Variants in SPTBN5 observed in about 807,000 individuals in gnomAD.
SPTBN5 encodes the protein spectrin beta chain, non-erythrocytic 5.
Under a neutral mutation model 477.6 loss-of-function variants are expected in SPTBN5, and 513 were observed. That is an observed-to-expected ratio of 1.07 (90% CI 1.00 to 1.16). SPTBN5 has a LOEUF of 1.16. Ranked by LOEUF, SPTBN5 falls within the 50% of genes most tolerant of loss-of-function variation. The pLI is 0.00. For missense variants in SPTBN5, 5,062 were observed against 4,731.8 expected, an observed-to-expected ratio of 1.07 and a Z score of -2.05; for synonymous variants, 2,169 against 2,011.7, an observed-to-expected ratio of 1.08 and a Z score of -2.09.
rs2066161200 is a variant in SPTBN5, at chr15:41,862,804, G to C, written c.7249C>G (p.Gln2417Glu). 6.3e-7 allele frequency: 1 copy of C among 1,575,610 alleles called. No individual in the cohort carries two copies. The highest frequency in any genetic ancestry group is 1.4e-5 in the African/African-American group (1 of 74,004). Residue 2417 changes from glutamine to glutamate, a missense_variant, in exon 42 of 68, where the codon CAG (glutamine) becomes GAG (glutamate). Coordinates refer to ENST00000320955, the MANE Select transcript of SPTBN5 (RefSeq NM_016642.4). ...EELEREVHPI[Q>E]AQVESLEREV... Reference sequence around the variant, plus strand: ...CAGCTACGCACCTCCACCTGGGCCTGGATGGGGTGCACTTCCCGCTCCAGC... The same window carrying C: ...CAGCTACGCACCTCCACCTGGGCCTCGATGGGGTGCACTTCCCGCTCCAGC...
chr15:41,865,290 G>A (rs1011880979), intron 39 of SPTBN5, among the ~76,000 whole-genome samples: 61 of 152,294 alleles, frequency 4.0e-4, no homozygotes, highest in African/African-American at 1.3e-3. Flanking sequence ...GAAGGTGGGC[G>A]CTGATTATCT....
In SPTBN5 at chr15:41,865,860, T is replaced by G. The variant is rs1567199764; in HGVS notation, c.6866A>C (p.His2289Pro). Residue 2289 changes from histidine (H) to proline (P), a missense_variant, in exon 39 of 68, where the codon CAC becomes CCC. Coordinates refer to ENST00000320955, the MANE Select transcript of SPTBN5 (RefSeq NM_016642.4). ...NVGDLGQDLE[H>P]CLQLRRRLRE... The stretch of plus-strand genomic sequence containing the variant: ...GAGCCGCCGTCGGAGCTGCAGGCAG[T>G]GCTCCAGGTCCTGGCCCAGGTCACC... 1 of 1,584,016 alleles carries G rather than the reference T, an allele frequency of 6.3e-7. No individual in the cohort carries two copies. Among genetic ancestry groups the G allele is most frequent in the Non-Finnish European group, 8.6e-7 (1 of 1,165,726 alleles).
At chr15:41,881,734 G>A (rs1210864543) in intron 12 of SPTBN5, among the ~76,000 whole-genome samples, 2 of 152,234 alleles carry the variant, frequency 1.3e-5, no homozygotes, top group African/African-American at 4.8e-5. Flanking sequence ...CGGTTGACGT[G>A]GGCAGACAGG....
intron 4 of SPTBN5, among the ~76,000 whole-genome samples, chr15:41,888,884 C>T (rs60171235): frequency 3.3e-5 from 5 of 152,158 alleles, no homozygotes; most frequent in Non-Finnish European, 7.3e-5. Flanking sequence ...AGTGGAGTCT[C>T]GAGGCCCTGG....
At chr15:41,890,261 G>T in intron 3 of SPTBN5, 56 bp from the exon 4 acceptor site, 1 of 1,282,308 alleles carries the variant, frequency 7.8e-7, no homozygotes, top group Non-Finnish European at 1.1e-6. Flanking sequence ...AGAGGACTCA[G>T]TCACCAAAAG....
Position 41,852,836 on chromosome 15 carries a change from C to T in SPTBN5, c.10335G>A (p.Lys3445=). ...WLACWEGLLL[K]PDYGHSVSDV... ...GACCCCCACTCACCCCATAGTCGGG[C>T]TTCAGCAGGAGTCCCTCCCAGCAGG... Residue 3445 remains lysine (K), a synonymous_variant, in exon 60 of 68, where the codon AAG becomes AAA. Transcript: ENST00000320955. 1 of 1,606,670 alleles carries T rather than the reference C, an allele frequency of 6.2e-7. No individual in the cohort carries two copies. The highest frequency in any genetic ancestry group is 1.3e-5 in the African/African-American group (1 of 74,818).
Position 41,852,188 on chromosome 15 carries a change from G to T in SPTBN5, c.10578C>A (p.Asp3526Glu), listed in dbSNP as rs780941166. ...GLGAQLAETR[D>E]PQDAKGTPTM... is the part of the protein sequence containing the mutation. ...GCCCCATAGGGACACCTGCCTGGGG[G>T]TCCCTCGTCTCAGCCAGCTGTGCTC... is the stretch of plus-strand genomic sequence containing the variant. Residue 3526 changes from aspartate (D) to glutamate (E), a missense_variant, in exon 62 of 68, where the codon GAC becomes GAA. Coordinates refer to ENST00000320955, the MANE Select transcript of SPTBN5 (RefSeq NM_016642.4). 3.1e-6 allele frequency: 5 copies of T among 1,592,698 alleles called. No individual in the cohort carries two copies. The highest frequency in any genetic ancestry group is 3.4e-6 in the Non-Finnish European group (4 of 1,165,974).
Position 41,852,508 on chromosome 15 carries a change from G to A in SPTBN5, c.10449+126C>T. On this transcript the variant is annotated intron_variant, in intron 61 of 67. Coordinates refer to ENST00000320955, the MANE Select transcript of SPTBN5 (RefSeq NM_016642.4). ...TGGTGCCTCTCCCACCACCGCAGCT[G>A]GCCAGGGAAAGGAGCAGGTAAGGCA... 9 of 1,316,278 alleles carry A rather than the reference G, an allele frequency of 6.8e-6. No individual in the cohort carries two copies. The South Asian group carries it at 1.0e-4, about 15-fold the overall frequency. The allele number at this position is 1,316,278 out of a possible 1,614,324, so 81.5% of individuals were successfully genotyped here. A position where few individuals can be genotyped will look rare whatever the true frequency, so the allele number is the denominator to read the frequency against.
At position 41,866,055 on chromosome 15, in the gene SPTBN5, C is replaced by T; in HGVS notation, c.6805G>A (p.Ala2269Thr). 1 of 1,555,046 alleles carries T rather than the reference C, an allele frequency of 6.4e-7. No individual in the cohort carries two copies. The highest frequency in any genetic ancestry group is 1.7e-4 in the Middle Eastern group (1 of 5,992). ...EFLQRVDLAEAWIQEKEVKMN... is the reference protein window; with the variant it reads ...EFLQRVDLAETWIQEKEVKMN... The stretch of plus-strand genomic sequence containing the variant: ...GGCTACACCTTCTCCTGGATCCAGG[C>T]CTCTGCAAGGTCCACTCTCTGCAGG... The change falls in exon 38 of 68, where the codon GCC becomes ACC. Residue 2269 changes from alanine to threonine, a missense_variant. Physicochemically the swap from Ala to Thr is moderately conservative, Grantham distance 58. Coordinates refer to ENST00000320955, the MANE Select transcript of SPTBN5 (RefSeq NM_016642.4).
rs1470617663 is a variant in SPTBN5, at chr15:41,861,687, C to T, written c.7737+48G>A. 3 of 1,516,130 alleles carry T rather than the reference C, an allele frequency of 2.0e-6. No homozygotes were observed. The South Asian group carries it at 3.8e-5, about 19-fold the overall frequency. 93.9% of individuals were successfully genotyped at this position (1,516,130 alleles called of 1,614,324 possible). Reference sequence around the variant, plus strand: ...CCAGAGGCTGTGGGGTCAGCGCAGGCCCTGTTCGGGGGGGCAAGATGCAGG... The same window carrying T: ...CCAGAGGCTGTGGGGTCAGCGCAGGTCCTGTTCGGGGGGGCAAGATGCAGG... On this transcript the variant is annotated intron_variant, in intron 45 of 67. Transcript: ENST00000320955.
In SPTBN5 at chr15:41,865,741, C is replaced by T. The variant is rs1160181557; in HGVS notation, c.6918+67G>A. Reference sequence around the variant, plus strand: ...CCCTGCTCTACAGCCCACACTCTTTCCCTGCTCTCAGTTGGATTTTCAGTG... The same window carrying T: ...CCCTGCTCTACAGCCCACACTCTTTTCCTGCTCTCAGTTGGATTTTCAGTG... On this transcript the variant is annotated intron_variant, in intron 39 of 67. Transcript: ENST00000320955. The T allele has an allele frequency of 2.8e-6, 4 of 1,410,274 alleles. No homozygotes were observed. In the African/African-American group the frequency reaches 5.7e-5, roughly 20 times the overall value. 87.4% of individuals were successfully genotyped at this position (1,410,274 alleles called of 1,614,324 possible).
rs372618835 is a variant in SPTBN5, at chr15:41,855,649, G to A, written c.9118C>T (p.Arg3040Trp). ...SAEATQALLR[R>W]LEATKRDLEA... The stretch of plus-strand genomic sequence containing the variant: ...AGGTCTCTCTTGGTGGCCTCCAGCC[G>A]CCGCAGAAGGGCCTGTGTGGCTTCA... Residue 3040 changes from arginine to tryptophan, a missense_variant, in exon 54 of 68, where the codon CGG (arginine) becomes TGG (tryptophan). Arg to Trp is a moderately radical substitution (Grantham distance 101). Coordinates refer to ENST00000320955, the MANE Select transcript of SPTBN5 (RefSeq NM_016642.4). 169 of 1,607,728 alleles carry A rather than the reference G, an allele frequency of 1.1e-4. No homozygotes were observed. The highest frequency in any genetic ancestry group is 1.6e-4 in the Middle Eastern group (1 of 6,070).
In SPTBN5 at chr15:41,853,312, G is replaced by T. The variant is rs745723002; in HGVS notation, c.10116C>A (p.Asp3372Glu). The change falls in exon 59 of 68, where the codon GAC becomes GAA. Residue 3372 changes from aspartate to glutamate, a missense_variant. Physicochemically the swap from Asp to Glu is conservative, Grantham distance 45. Coordinates refer to ENST00000320955, the MANE Select transcript of SPTBN5 (RefSeq NM_016642.4). The stretch of plus-strand genomic sequence containing the variant: ...CCAGCTGCTGTCCTTCCTGCCGCAG[G>T]TCCTGGGCTTGAAGGCGGCACTCCC... ...EIRECRLQAQDLRQEGQQLVD... is the reference protein window; with the variant it reads ...EIRECRLQAQELRQEGQQLVD... 1 of 1,612,520 alleles carries T rather than the reference G, an allele frequency of 6.2e-7. No individual in the cohort carries two copies. Among genetic ancestry groups the T allele is most frequent in the African/African-American group, 1.3e-5 (1 of 74,920 alleles).
chr15:41,854,115 C>T lies in SPTBN5; in HGVS notation c.9709G>A (p.Gly3237Arg). 6.3e-7 allele frequency: 1 copy of T among 1,588,554 alleles called. No individual in the cohort carries two copies. The highest frequency in any genetic ancestry group is 8.6e-7 in the Non-Finnish European group (1 of 1,168,284). Residue 3237 changes from glycine to arginine, a missense_variant, in exon 57 of 68, where the codon GGG becomes AGG. Gly to Arg is a moderately radical substitution (Grantham distance 125). Transcript: ENST00000320955. ...RMQEKTALMK[G>R]EDGGHSLSSV... ...GACAGGCTGTGGCCTCCGTCCTCCC[C>T]CTTCATCAGGGCCGTCTTCTCCTGC...
intron 7 of SPTBN5, 24 bp from the exon 8 acceptor site, chr15:41,883,510 G>A: frequency 6.2e-7 from 1 of 1,609,694 alleles, no homozygotes; most frequent in South Asian, 1.1e-5. Context: ...GAATAAGGGA[G>A]ATCTCCTCTG....
In SPTBN5 at chr15:41,875,062, A is replaced by AG; in HGVS notation, c.4288-7dup. On this transcript the variant is annotated splice_region_variant and splice_polypyrimidine_tract_variant and intron_variant, in intron 22 of 67. Coordinates refer to ENST00000320955, the MANE Select transcript of SPTBN5 (RefSeq NM_016642.4). ...TCCAGCTGCTCCTTTGCATCCTGGGAGGGACGCATGGAGCTGCATTAGGTT... is the reference window on the plus strand; with the variant it reads ...TCCAGCTGCTCCTTTGCATCCTGGGAGGGGACGCATGGAGCTGCATTAGGTT... 6.2e-7 allele frequency: 1 copy of AG among 1,606,812 alleles called. No individual in the cohort carries two copies. The highest frequency in any genetic ancestry group is 1.1e-5 in the South Asian group (1 of 90,240).
In SPTBN5 at chr15:41,856,569, C is replaced by T. The variant is rs776873614; in HGVS notation, c.8838G>A (p.Glu2946=). 2 of 1,594,370 alleles carry T rather than the reference C, an allele frequency of 1.3e-6. No homozygotes were observed. Among genetic ancestry groups the T allele is most frequent in the South Asian group, 1.1e-5 (1 of 88,710 alleles). ...QNLESEMSSH[E]ALTRVVLGTG... ...TGCCCAGCACCACCCGGGTCAGAGC[C>T]TCGTGGCTGCTCATCTCACTCTCCA... Residue 2946 remains glutamate, a synonymous_variant, in exon 53 of 68, where the codon GAG becomes GAA. Coordinates refer to ENST00000320955, the MANE Select transcript of SPTBN5 (RefSeq NM_016642.4).
chr15:41,854,768 C>T lies in SPTBN5; in HGVS notation c.9618+14G>A, dbSNP rs1308656201. On this transcript the variant is annotated intron_variant, in intron 56 of 67. Transcript: ENST00000320955. ...CTGACACCCCTTAGCTTGGCCCGGCCTGTGATCACCTACCTCTGTGCGGGC... is the reference window on the plus strand; with the variant it reads ...CTGACACCCCTTAGCTTGGCCCGGCTTGTGATCACCTACCTCTGTGCGGGC... 3 of 1,500,404 alleles carry T rather than the reference C, an allele frequency of 2.0e-6. No homozygotes were observed. In the Admixed American group the frequency reaches 6.8e-5, roughly 34 times the overall value. The allele number at this position is 1,500,404 out of a possible 1,614,324, so 92.9% of individuals were successfully genotyped here.
rs1567181602 is a variant in SPTBN5 at position 41,852,904 on chromosome 15, G to A, written c.10267C>T (p.Gln3423Ter). ...WQRCAESWGLQKLRQRLEQAE... is the reference protein window; with the variant it reads ...WQRCAESWGL ...TGCTCCAGCCTCTGCCGAAGCTTCTGCAGGCCCCAGCTCTCGGCACAGCGT... is the reference window on the plus strand; with the variant it reads ...TGCTCCAGCCTCTGCCGAAGCTTCTACAGGCCCCAGCTCTCGGCACAGCGT... Residue 3423 changes from glutamine to a stop codon, truncating the protein, a stop_gained, in exon 60 of 68, where the codon CAG (glutamine) becomes TAG (stop). Coordinates refer to ENST00000320955, the MANE Select transcript of SPTBN5 (RefSeq NM_016642.4). LOFTEE classifies it high-confidence loss of function. The A allele has an allele frequency of 7.5e-6, 12 of 1,606,152 alleles. No individual in the cohort carries two copies. The South Asian group carries it at 1.2e-4, about 16-fold the overall frequency.
Sources: gnomAD v4.1 joint callset for allele counts (sites outside exome capture counted in the v4.1 genomes callset) on GRCh38, gnomAD v4.1.1 for gene constraint, MANE v1.5 for transcripts, NCBI Gene and HGNC (gene_info 2026-07-23, HGNC 2026-07-21) for gene names.